The following SLC9A9 variants were observed in gnomAD, a reference collection of about 807,000 sequenced individuals.
SLC9A9 encodes sodium/hydrogen exchanger 9.
Under a neutral mutation model 77.8 loss-of-function variants are expected in SLC9A9, and 62 were observed. The observed-to-expected ratio is 0.80, with a 90% CI of 0.65 to 0.98. SLC9A9 has a LOEUF of 0.98. SLC9A9 is among the 50% of genes least tolerant of loss of function. The pLI is 0.00. For synonymous variants in SLC9A9, 320 were observed against 283.5 expected (o/e 1.13, Z -1.29); for missense variants, 775 against 774.9 (o/e 1.00, Z 0.00).
intron 12 of SLC9A9, among the ~76,000 whole-genome samples, chr3:143,456,342 G>T (rs958868532): frequency 2.0e-5 from 3 of 152,100 alleles, no homozygotes; most frequent in Non-Finnish European, 2.9e-5. Context: ...GTATAAAAAA[G>T]ATTGGACTAT....
At chr3:143,536,214 A>T (rs931641420) in intron 9 of SLC9A9, among the ~76,000 whole-genome samples, 1 of 152,228 alleles carries the variant, frequency 6.6e-6, no homozygotes, top group South Asian at 2.1e-4. Flanking sequence ...CTCAATAGAG[A>T]TGAAAGAAAA....
intron 13 of SLC9A9, among the ~76,000 whole-genome samples, chr3:143,377,766 C>T (rs2033213586): frequency 6.6e-6 from 1 of 152,186 alleles, no homozygotes; most frequent in Non-Finnish European, 1.5e-5. Context: ...CAAACCAAAC[C>T]ATCAAGGGTG....
chr3:143,428,062 G>A (rs989083158), intron 12 of SLC9A9, among the ~76,000 whole-genome samples: 1 of 152,126 alleles, frequency 6.6e-6, no homozygotes, highest in Admixed American at 6.5e-5. Context: ...CACAGACAAC[G>A]AAACTAAAAT....
At chr3:143,319,961 G>C (rs987162501) in intron 14 of SLC9A9, among the ~76,000 whole-genome samples, 1 of 152,160 alleles carries the variant, frequency 6.6e-6, no homozygotes, top group African/African-American at 2.4e-5. Context: ...ATATGGGCTG[G>C]TGCTGTCACC....
chr3:143,729,381 C>G (rs1934744989), intron 4 of SLC9A9, among the ~76,000 whole-genome samples: 1 of 152,162 alleles, frequency 6.6e-6, no homozygotes, highest in Non-Finnish European at 1.5e-5. Context: ...ATAGTATCTA[C>G]TTCATTGGCT....
rs534107138 is a variant in SLC9A9, at chr3:143,646,736, C to T, written c.755+5519G>A. On this transcript the variant is annotated intron_variant, in intron 6 of 15. Coordinates refer to ENST00000316549, the MANE Select transcript of SLC9A9 (RefSeq NM_173653.4). ...CAAAATTGCTGGATCAAATGATTCA[C>T]AAAATCTAATGGCTCAGTAAACACT... 2.6e-5 allele frequency among the ~76,000 whole-genome samples: 4 copies of T among 152,248 alleles called. No homozygotes were observed. The South Asian group carries it at 8.3e-4, about 32-fold the overall frequency.
chr3:143,531,960 T>G (rs529653342), intron 9 of SLC9A9, among the ~76,000 whole-genome samples: 1 of 152,330 alleles, frequency 6.6e-6, no homozygotes, highest in South Asian at 2.1e-4. Flanking sequence ...AGAGGCTACA[T>G]AATGCGTGAT....
intron 14 of SLC9A9, among the ~76,000 whole-genome samples, chr3:143,315,375 A>G (rs140133241): frequency 0.01 from 1,574 of 152,332 alleles, 15 homozygotes; most frequent in Middle Eastern, 0.02. Context: ...TCTAACGGCA[A>G]CATGTTCCAT....
At chr3:143,749,669 A>G (rs574843112) in intron 4 of SLC9A9, among the ~76,000 whole-genome samples, 9 of 152,352 alleles carry the variant, frequency 5.9e-5, no homozygotes, top group East Asian at 1.9e-4. Context: ...TTTCATCTTT[A>G]GTTGATTTCC....
At chr3:143,792,371 G>A (rs545098129) in intron 4 of SLC9A9, among the ~76,000 whole-genome samples, 18 of 152,322 alleles carry the variant, frequency 1.2e-4, no homozygotes, top group African/African-American at 4.1e-4. Flanking sequence ...ATCAAGACTG[G>A]CAGCATAAAA....
At chr3:143,754,119 A>C (rs1043049065) in intron 4 of SLC9A9, among the ~76,000 whole-genome samples, 9 of 152,328 alleles carry the variant, frequency 5.9e-5, no homozygotes, top group African/African-American at 2.2e-4. Flanking sequence ...AAAGGTATGG[A>C]GAAGAGACAA....
intron 1 of SLC9A9, among the ~76,000 whole-genome samples, chr3:143,834,629 T>C (rs2009524710): frequency 7.3e-6 from 1 of 137,016 alleles, no homozygotes; most frequent in Non-Finnish European, 1.5e-5. Context: ...GAAATAAACA[T>C]GAAGTGTCCA....
intron 8 of SLC9A9, among the ~76,000 whole-genome samples, chr3:143,572,536 T>C (rs1016969878): frequency 2.0e-5 from 3 of 152,224 alleles, no homozygotes; most frequent in African/African-American, 7.2e-5. Context: ...GCCTACATTA[T>C]TTCACTGAAG....
At chr3:143,365,076 C>A (rs898345245) in intron 13 of SLC9A9, among the ~76,000 whole-genome samples, 2 of 152,142 alleles carry the variant, frequency 1.3e-5, no homozygotes, top group African/African-American at 4.8e-5. Flanking sequence ...TACATATATA[C>A]CCTGGAATAA....
At chr3:143,784,343 A>C (rs530124403) in intron 4 of SLC9A9, among the ~76,000 whole-genome samples, 10 of 152,212 alleles carry the variant, frequency 6.6e-5, no homozygotes, top group Admixed American at 2.6e-4. Flanking sequence ...TATACCACTT[A>C]AGTCAAAACG....
At chr3:143,473,838 G>A (rs2035418743) in intron 11 of SLC9A9, among the ~76,000 whole-genome samples, 1 of 152,148 alleles carries the variant, frequency 6.6e-6, no homozygotes, top group Non-Finnish European at 1.5e-5. Context: ...AGTGGTTTCA[G>A]GCCCTCTAGA....
intron 9 of SLC9A9, among the ~76,000 whole-genome samples, chr3:143,521,430 C>T (rs973826909): frequency 6.6e-6 from 1 of 152,084 alleles, no homozygotes; most frequent in Non-Finnish European, 1.5e-5. Flanking sequence ...CATATATGCG[C>T]TTTTCTTCAT....
chr3:143,481,377 T>C (rs545963988), intron 11 of SLC9A9, among the ~76,000 whole-genome samples: 1 of 152,258 alleles, frequency 6.6e-6, no homozygotes, highest in African/African-American at 2.4e-5. Context: ...GGTGGGTGGA[T>C]GTGGAAAGGG....
chr3:143,412,694 C>T (rs748193170), intron 12 of SLC9A9, among the ~76,000 whole-genome samples: 5 of 152,224 alleles, frequency 3.3e-5, no homozygotes, highest in East Asian at 1.9e-4. Flanking sequence ...CCCTCTTTAG[C>T]GCCATCAGAG....
Sources: gnomAD v4.1 joint callset for allele counts (sites outside exome capture counted in the v4.1 genomes callset) on GRCh38, gnomAD v4.1.1 for gene constraint, MANE v1.5 for transcripts, NCBI Gene and HGNC (gene_info 2026-07-23, HGNC 2026-07-21) for gene names.